Variants in MCC observed in about 807,000 individuals in gnomAD.
MCC encodes the protein colorectal mutant cancer protein.
MCC carries 90 observed loss-of-function variants against 116.2 expected under a neutral mutation model. That is an observed-to-expected ratio of 0.77 (90% CI 0.65 to 0.92). The LOEUF is 0.92. Ranked by LOEUF, MCC falls within the 40% of genes least tolerant of loss-of-function variation. The pLI is 0.00. For missense variants in MCC, 1,516 were observed against 1,312.2 expected, an observed-to-expected ratio of 1.16 and a Z score of -2.40; for synonymous variants, 578 against 510.5, an observed-to-expected ratio of 1.13 and a Z score of -1.78.
chr5:113,115,321 G>C (rs1368471729), intron 6 of MCC, among the ~76,000 whole-genome samples: 1 of 152,202 alleles, frequency 6.6e-6, no homozygotes, highest in African/African-American at 2.4e-5. Context: ...AGAAGCGAAA[G>C]ACGCCACCCC....
chr5:113,261,032 G>A (rs763092092), intron 3 of MCC, among the ~76,000 whole-genome samples: 8 of 152,078 alleles, frequency 5.3e-5, no homozygotes, highest in East Asian at 3.9e-4. Context: ...CCAATATACC[G>A]TTTACAAATA....
chr5:113,406,830 T>G (rs1321301209), intron 1 of MCC, among the ~76,000 whole-genome samples: 2 of 152,084 alleles, frequency 1.3e-5, no homozygotes. Flanking sequence ...GCAGAGAACC[T>G]CAGTGAGGTT....
At chr5:113,303,091 GAGGAAA>G (rs1300858625) in intron 3 of MCC, among the ~76,000 whole-genome samples, 1 of 152,208 alleles carries the variant, frequency 6.6e-6, no homozygotes, top group Non-Finnish European at 1.5e-5. Flanking sequence ...AAGTTTCGCA[GAGGAAA>G]TCAAGTGTTC....
intron 2 of MCC, among the ~76,000 whole-genome samples, chr5:113,376,793 G>A (rs574882284): frequency 6.6e-6 from 1 of 152,232 alleles, no homozygotes; most frequent in African/African-American, 2.4e-5. Context: ...TAGTCCACAA[G>A]ATGGGGATAG....
chr5:113,058,399 G>T (rs1752984713), intron 14 of MCC, among the ~76,000 whole-genome samples: 1 of 152,158 alleles, frequency 6.6e-6, no homozygotes, highest in Admixed American at 6.5e-5. Flanking sequence ...ACATTCCGGG[G>T]CCTGCTGTCA....
chr5:113,086,819 C>T lies in MCC; in HGVS notation c.1399-1509G>A, dbSNP rs1389719467. Among the ~76,000 whole-genome samples, 4 of 151,826 alleles carry T rather than the reference C, an allele frequency of 2.6e-5. No individual in the cohort carries two copies. In the East Asian group the frequency reaches 7.7e-4, roughly 29 times the overall value. On this transcript the variant is annotated intron_variant, in intron 8 of 18. Transcript: ENST00000408903. Reference sequence around the variant, plus strand: ...TAGCACTAGGAAATTTAAGACAGGGCTTTCTAAACAGAATGTGTACTAGAA... The same window carrying T: ...TAGCACTAGGAAATTTAAGACAGGGTTTTCTAAACAGAATGTGTACTAGAA...
In MCC at chr5:113,026,684, T is replaced by A. The variant is rs1270741863; in HGVS notation, c.*618A>T. 6.6e-6 allele frequency: 1 copy of A among 152,206 alleles called. No individual in the cohort carries two copies. Among genetic ancestry groups the A allele is most frequent in the African/African-American group, 2.4e-5 (1 of 41,422 alleles). The allele number at this position is 152,206 out of a possible 1,614,324, so 9.4% of individuals were successfully genotyped here. On this transcript the variant is annotated 3_prime_UTR_variant, in exon 19 of 19. Coordinates refer to ENST00000408903, the MANE Select transcript of MCC (RefSeq NM_001085377.2). ...GGTGGTGGTCTGTTTGTAACTTTAGTGTATCTGGGACTGTAAGTAACACCT... is the reference window on the plus strand; with the variant it reads ...GGTGGTGGTCTGTTTGTAACTTTAGAGTATCTGGGACTGTAAGTAACACCT...
intron 12 of MCC, among the ~76,000 whole-genome samples, chr5:113,070,706 A>G (rs2150233871): frequency 6.6e-6 from 1 of 152,382 alleles, no homozygotes; most frequent in East Asian, 1.9e-4. Flanking sequence ...ACAGCCATTC[A>G]GAATAGAGAC....
chr5:113,257,538 A>G (rs1765063801), intron 3 of MCC, among the ~76,000 whole-genome samples: 1 of 152,166 alleles, frequency 6.6e-6, no homozygotes, highest in African/African-American at 2.4e-5. Context: ...CTATTAAATA[A>G]GGGGTCTTTG....
intron 3 of MCC, among the ~76,000 whole-genome samples, chr5:113,169,027 T>C (rs1181839447): frequency 6.6e-6 from 1 of 152,022 alleles, no homozygotes; most frequent in African/African-American, 2.4e-5. Context: ...TGCCTCCCCA[T>C]CACCAATCCC....
chr5:113,331,481 G>T (rs182449681), intron 3 of MCC, among the ~76,000 whole-genome samples: 1 of 151,650 alleles, frequency 6.6e-6, no homozygotes, highest in East Asian at 1.9e-4. Flanking sequence ...CTACTTTTGT[G>T]TGTCCTTAGG....
At chr5:113,313,740 C>T (rs1767195830) in intron 3 of MCC, among the ~76,000 whole-genome samples, 1 of 152,168 alleles carries the variant, frequency 6.6e-6, no homozygotes, top group South Asian at 2.1e-4. Flanking sequence ...TCCATATTCT[C>T]TCAAAGCTCC....
At chr5:113,315,536 A>G (rs959915630) in intron 3 of MCC, among the ~76,000 whole-genome samples, 1 of 152,148 alleles carries the variant, frequency 6.6e-6, no homozygotes, top group Non-Finnish European at 1.5e-5. Flanking sequence ...AGCAGCATCC[A>G]AAAAGGTCAA....
rs541357358 is a variant in MCC at position 113,023,549 on chromosome 5, A to C, written c.*3753T>G. 1 of 152,362 alleles carries C rather than the reference A, an allele frequency of 6.6e-6. No homozygotes were observed. The highest frequency in any genetic ancestry group is 2.1e-4 in the South Asian group (1 of 4,830). The allele number at this position is 152,362 out of a possible 1,614,324, so 9.4% of individuals were successfully genotyped here. ...TACCCTAATTAAGGTCAGTGCAGAA[A>C]TCTCAACCATTACAGAAGTCTCTTA... is the stretch of plus-strand genomic sequence containing the variant. On this transcript the variant is annotated 3_prime_UTR_variant, in exon 19 of 19. Transcript: ENST00000408903.
Position 113,456,381 on chromosome 5 carries a change from T to A in MCC, c.170+31864A>T, listed in dbSNP as rs537262095. ...TTTCAGACTTTGAACTTTTTCAGAT[T>A]TTTGAACATTTTACATTACATATAC... On this transcript the variant is annotated intron_variant, in intron 1 of 18. Coordinates refer to ENST00000408903, the MANE Select transcript of MCC (RefSeq NM_001085377.2). Among the ~76,000 whole-genome samples the A allele has an allele frequency of 3.3e-5, 5 of 152,336 alleles. No homozygotes were observed. The East Asian group carries it at 9.6e-4, about 29-fold the overall frequency.
chr5:113,212,333 T>C (rs986780461), intron 3 of MCC, among the ~76,000 whole-genome samples: 2 of 152,160 alleles, frequency 1.3e-5, no homozygotes, highest in Non-Finnish European at 2.9e-5. Flanking sequence ...TCCCTAGATA[T>C]TTGAACATGG....
intron 3 of MCC, among the ~76,000 whole-genome samples, chr5:113,275,151 T>C (rs1180673976): frequency 6.6e-6 from 1 of 152,084 alleles, no homozygotes; most frequent in East Asian, 1.9e-4. Flanking sequence ...AATGAGCTCC[T>C]TAAAGGAAAA....
rs147120431 is a variant in MCC, at chr5:113,139,726, C to T, written c.884+3492G>A. On this transcript the variant is annotated intron_variant, in intron 5 of 18. Coordinates refer to ENST00000408903, the MANE Select transcript of MCC (RefSeq NM_001085377.2). ...CCTCAAAGATCTAGAACTAGACATA[C>T]CATTTGACCTAGCAATCCCATTACT... Among the ~76,000 whole-genome samples, 185 of 152,242 alleles carry T rather than the reference C, an allele frequency of 1.2e-3. 1 individual carries two copies. Among genetic ancestry groups the T allele is most frequent in the Middle Eastern group, 6.8e-3 (2 of 294 alleles).
chr5:113,060,449 G>A (rs768909198), intron 14 of MCC, among the ~76,000 whole-genome samples: 16 of 152,112 alleles, frequency 1.1e-4, no homozygotes, highest in Non-Finnish European at 2.1e-4. Context: ...CACTGCGCCC[G>A]GCCTAGCAGC....
Sources: allele counts gnomAD v4.1 joint callset (sites outside exome capture counted in the v4.1 genomes callset), GRCh38; gene constraint gnomAD v4.1.1; transcripts MANE v1.5; gene names NCBI Gene and HGNC (gene_info 2026-07-23, HGNC 2026-07-21).